The following SASH1 variants were observed in gnomAD, a reference collection of about 807,000 sequenced individuals.
SASH1 encodes the protein SAM and SH3 domain-containing protein 1.
In SASH1, 44 loss-of-function variants were observed where a neutral mutation model predicts 125.2. The ratio of observed to expected loss-of-function variants is 0.35; its 90% confidence interval spans 0.28 to 0.45. The LOEUF is 0.45. SASH1 is among the 20% of genes least tolerant of loss of function. The probability of loss-of-function intolerance (pLI) is 1.00; values close to 1 mark genes in which losing one functional copy is unlikely to be tolerated. For missense variants in SASH1, 1,426 were observed against 1,614.5 expected, an observed-to-expected ratio of 0.88 and a Z score of 2.00; for synonymous variants, 639 against 649.1, an observed-to-expected ratio of 0.98 and a Z score of 0.24.
intron 1 of SASH1, among the ~76,000 whole-genome samples, chr6:148,346,916 C>T (rs2114647598): frequency 6.6e-6 from 1 of 152,296 alleles, no homozygotes; most frequent in African/African-American, 2.4e-5. Context: ...GTTTTCAAAG[C>T]ATGTCACTTC....
chr6:148,387,505 CTTTCTTTTT>C (rs1783426212), intron 1 of SASH1, among the ~76,000 whole-genome samples: 1 of 138,386 alleles, frequency 7.2e-6, no homozygotes, highest in Non-Finnish European at 1.5e-5. Context: ...TCTTCTCTCT[CTTTCTTTTT>C]CCTTCTTTCT....
intron 1 of SASH1, among the ~76,000 whole-genome samples, chr6:148,327,947 A>G (rs1051626588): frequency 1.3e-5 from 2 of 151,674 alleles, no homozygotes; most frequent in African/African-American, 4.8e-5. Flanking sequence ...TCTAAAAAAA[A>G]AAAAAAAAAG....
intron 1 of SASH1, among the ~76,000 whole-genome samples, chr6:148,387,932 T>TTTTGG (rs1783540472): frequency 8.8e-6 from 1 of 113,238 alleles, no homozygotes; most frequent in African/African-American, 3.4e-5. Flanking sequence ...TTTTTTTTTT[T>TTTTGG]GAGACAGGGT....
chr6:148,518,323 G>A (rs1451616342), intron 9 of SASH1, among the ~76,000 whole-genome samples: 2 of 152,140 alleles, frequency 1.3e-5, no homozygotes, highest in Admixed American at 6.5e-5. Context: ...CCCCACCACC[G>A]TCTGCTGGGC....
At chr6:148,426,584 G>A (rs1775835067) in intron 2 of SASH1, among the ~76,000 whole-genome samples, 1 of 152,148 alleles carries the variant, frequency 6.6e-6, no homozygotes, top group Non-Finnish European at 1.5e-5. Context: ...TGTACCTGTG[G>A]CTTAGAGTTG....
chr6:148,262,708 C>A, the SASH1 span, among the ~76,000 whole-genome samples: 6 of 152,112 alleles, frequency 3.9e-5, no homozygotes, highest in Admixed American at 3.3e-4. Context: ...ACATGGGAAA[C>A]CCCATCTCTA....
intron 1 of SASH1, among the ~76,000 whole-genome samples, chr6:148,313,648 A>G (rs957597551): frequency 9.9e-5 from 15 of 152,142 alleles, no homozygotes; most frequent in African/African-American, 3.1e-4. Context: ...CACGAGCTCG[A>G]TGACATTTGT....
intron 1 of SASH1, among the ~76,000 whole-genome samples, chr6:148,325,261 T>TTTG (rs1554235037): frequency 0.087 from 13,020 of 149,844 alleles, 627 homozygotes; most frequent in African/African-American, 0.11. Flanking sequence ...AAAAGCCTCT[T>TTTG]TTGTTGTTGT....
the SASH1 span, among the ~76,000 whole-genome samples, chr6:148,245,057 T>C: frequency 6.6e-6 from 1 of 152,092 alleles, no homozygotes; most frequent in Non-Finnish European, 1.5e-5. Flanking sequence ...TCAACTCAGT[T>C]GGTTTCCAGG....
upstream of SASH1, among the ~76,000 whole-genome samples, chr6:148,341,684 A>C (rs962514857): frequency 6.6e-6 from 1 of 152,160 alleles, no homozygotes; most frequent in African/African-American, 2.4e-5. Context: ...AAACAAAACA[A>C]ACAAACAAAC....
At chr6:148,432,048 T>C (rs1437357538) in intron 2 of SASH1, among the ~76,000 whole-genome samples, 2 of 151,460 alleles carry the variant, frequency 1.3e-5, no homozygotes, top group African/African-American at 4.9e-5. Context: ...CAATCTCGGC[T>C]CACAGCAATG....
At chr6:148,508,218 C>T (rs1779913049) in intron 8 of SASH1, among the ~76,000 whole-genome samples, 1 of 152,160 alleles carries the variant, frequency 6.6e-6, no homozygotes, top group Non-Finnish European at 1.5e-5. Flanking sequence ...GAGAAAGTGA[C>T]AACTCTAGGA....
chr6:148,274,421 G>C (rs1306460805), intron 1 of SASH1, among the ~76,000 whole-genome samples: 1 of 152,232 alleles, frequency 6.6e-6, no homozygotes, highest in African/African-American at 2.4e-5. Context: ...GTTCTTTAAA[G>C]AGGGAAGGTT....
chr6:148,244,462 G>A, the SASH1 span, among the ~76,000 whole-genome samples: 5 of 152,168 alleles, frequency 3.3e-5, no homozygotes, highest in African/African-American at 1.2e-4. Flanking sequence ...CCAGCGGTAG[G>A]ACGTTGTTTT....
chr6:148,377,354 A>G (rs886167117), intron 1 of SASH1, among the ~76,000 whole-genome samples: 3 of 152,086 alleles, frequency 2.0e-5, no homozygotes, highest in Non-Finnish European at 4.4e-5. Flanking sequence ...GCCCTTCTAG[A>G]TGGGCTATCT....
At chr6:148,361,103 G>T (rs368060321) in intron 1 of SASH1, among the ~76,000 whole-genome samples, 71 of 152,320 alleles carry the variant, frequency 4.7e-4, no homozygotes, top group African/African-American at 1.6e-3. Context: ...GCTAAGGAAT[G>T]CCGAAGATCG....
chr6:148,306,112 AC>A, intron 1 of SASH1, among the ~76,000 whole-genome samples: 1 of 152,350 alleles, frequency 6.6e-6, no homozygotes, highest in East Asian at 1.9e-4. Flanking sequence ...AGAAGGAGTT[AC>A]CTCTACTGAT....
chr6:148,483,670 G>A (rs1778722552), intron 7 of SASH1, among the ~76,000 whole-genome samples: 1 of 152,110 alleles, frequency 6.6e-6, no homozygotes, highest in Admixed American at 6.6e-5. Flanking sequence ...TTGGGGATGG[G>A]GAGCAGCCAT....
chr6:148,256,947 G>T, the SASH1 span, among the ~76,000 whole-genome samples: 1 of 152,152 alleles, frequency 6.6e-6, no homozygotes, highest in Non-Finnish European at 1.5e-5. Flanking sequence ...GGTATGGGGT[G>T]TGGAGGCTTT....
Sources: allele counts gnomAD v4.1 joint callset (sites outside exome capture counted in the v4.1 genomes callset), GRCh38; gene constraint gnomAD v4.1.1; transcripts MANE v1.5; gene names NCBI Gene and HGNC (gene_info 2026-07-23, HGNC 2026-07-21).